GNAI1: variants seen among roughly 807,000 people sequenced by gnomAD.
GNAI1 encodes the protein guanine nucleotide-binding protein G(i) subunit alpha-1.
In GNAI1, 11 loss-of-function variants were observed where a neutral mutation model predicts 38.9. That is an observed-to-expected ratio of 0.28 (90% CI 0.18 to 0.47). The LOEUF (loss-of-function observed/expected upper bound fraction) is 0.47, where lower values mean the gene tolerates loss of function less well. Among genes scored for constraint, GNAI1 ranks in the 20% least tolerant of loss-of-function variants. The pLI is 0.99. For synonymous variants in GNAI1, 166 were observed against 145.1 expected, an observed-to-expected ratio of 1.14 and a Z score of -1.04; for missense variants, 317 against 436.9, an observed-to-expected ratio of 0.73 and a Z score of 2.45.
intron 1 of GNAI1, among the ~76,000 whole-genome samples, chr7:80,178,419 C>A (rs1182263633): frequency 1.3e-5 from 2 of 152,090 alleles, no homozygotes; most frequent in Non-Finnish European, 2.9e-5. Flanking sequence ...GCAGAAAAAT[C>A]TTTCTTGAAA....
At position 80,221,801 on chromosome 7, in the gene GNAI1, C is replaced by G. The variant is rs918908839; in HGVS notation, c.*4308C>G. 6.6e-6 allele frequency among the ~76,000 whole-genome samples: 1 copy of G among 151,836 alleles called. No homozygotes were observed. Among genetic ancestry groups the G allele is most frequent in the Non-Finnish European group, 1.5e-5 (1 of 67,960 alleles). ...GGGATTACAGGCATGCGCCACTACA[C>G]CCAGCTAATTTTTGTATTTTTAGTA... On this transcript the variant is annotated 3_prime_UTR_variant, in exon 8 of 8. Coordinates refer to ENST00000649796, the MANE Select transcript of GNAI1 (RefSeq NM_002069.6).
At position 80,222,018 on chromosome 7, in the gene GNAI1, A is replaced by G. The variant is rs1006700797; in HGVS notation, c.*4525A>G. Among the ~76,000 whole-genome samples, 16 of 152,138 alleles carry G rather than the reference A, an allele frequency of 1.1e-4. No homozygotes were observed. Among genetic ancestry groups the G allele is most frequent in the Non-Finnish European group, 1.5e-4 (10 of 68,024 alleles). ...TATATAAAGAAGTTTACGTTTCACA[A>G]TCCCACTGGCCTGTTTCCCAGGCAT... On this transcript the variant is annotated 3_prime_UTR_variant, in exon 8 of 8. Coordinates refer to ENST00000649796, the MANE Select transcript of GNAI1 (RefSeq NM_002069.6).
At chr7:80,140,291 T>A (rs904386713) in intron 1 of GNAI1, among the ~76,000 whole-genome samples, 3 of 152,186 alleles carry the variant, frequency 2.0e-5, no homozygotes, top group East Asian at 3.9e-4. Context: ...TTGGCCCCAA[T>A]TTCTAATGCA....
intron 1 of GNAI1, among the ~76,000 whole-genome samples, chr7:80,178,650 A>C (rs951324859): frequency 6.6e-6 from 1 of 152,196 alleles, no homozygotes; most frequent in Non-Finnish European, 1.5e-5. Context: ...TTTTTTAGAC[A>C]TCATGCTATT....
At chr7:80,207,728 A>G (rs1788799857) in intron 5 of GNAI1, among the ~76,000 whole-genome samples, 3 of 151,986 alleles carry the variant, frequency 2.0e-5, no homozygotes, top group Admixed American at 2.0e-4. Flanking sequence ...TCATGTTGTA[A>G]TTCTGTTTAA....
At chr7:80,158,821 C>A (rs1455213366) in intron 1 of GNAI1, among the ~76,000 whole-genome samples, 2 of 152,180 alleles carry the variant, frequency 1.3e-5, no homozygotes, top group Non-Finnish European at 2.9e-5. Context: ...TTTCAAATTC[C>A]TCCCAGTTCA....
At chr7:80,151,684 A>G (rs749020064) in intron 1 of GNAI1, among the ~76,000 whole-genome samples, 3 of 152,246 alleles carry the variant, frequency 2.0e-5, no homozygotes, top group Non-Finnish European at 2.9e-5. Flanking sequence ...GCATTTCTAC[A>G]TGAAAAAAAT....
intron 1 of GNAI1, among the ~76,000 whole-genome samples, chr7:80,186,489 T>C (rs1201125179): frequency 1.3e-5 from 2 of 152,054 alleles, no homozygotes; most frequent in East Asian, 1.9e-4. Context: ...AGCAGGAAAA[T>C]TTGTTTTTTT....
chr7:80,182,557 T>A (rs1284629275), intron 1 of GNAI1, among the ~76,000 whole-genome samples: 1 of 152,186 alleles, frequency 6.6e-6, no homozygotes, highest in East Asian at 1.9e-4. Context: ...TAAATATAAG[T>A]TCAGAGCTTC....
At chr7:80,185,865 A>T (rs1788377998) in intron 1 of GNAI1, among the ~76,000 whole-genome samples, 1 of 151,922 alleles carries the variant, frequency 6.6e-6, no homozygotes, top group South Asian at 2.1e-4. Flanking sequence ...CTCTTAGGAG[A>T]CTCTGTATGG....
rs1364169452 is a variant in GNAI1 at position 80,225,293 on chromosome 7, AG to A, written c.*7803del. 6.6e-6 allele frequency among the ~76,000 whole-genome samples: 1 copy of A among 152,230 alleles called. No individual in the cohort carries two copies. The highest frequency in any genetic ancestry group is 1.5e-5 in the Non-Finnish European group (1 of 68,038). On this transcript the variant is annotated 3_prime_UTR_variant, in exon 8 of 8. Transcript: ENST00000649796. Reference sequence around the variant, plus strand: ...CATTTTAAGATCTATACTCTAAAACAGGGTTTTGAAATTAGCAGCTCTCTTT... The same window carrying A: ...CATTTTAAGATCTATACTCTAAAACAGGTTTTGAAATTAGCAGCTCTCTTT...
chr7:80,215,169 C>G (rs1023106437), intron 7 of GNAI1, among the ~76,000 whole-genome samples: 1 of 152,182 alleles, frequency 6.6e-6, no homozygotes, highest in African/African-American at 2.4e-5. Context: ...AACAATCTAT[C>G]ATATTTGCTC....
intron 1 of GNAI1, among the ~76,000 whole-genome samples, chr7:80,177,854 T>C (rs1010603690): frequency 2.0e-5 from 3 of 152,222 alleles, no homozygotes; most frequent in Admixed American, 6.5e-5. Context: ...TCATGTGTTA[T>C]TATGTGAGAA....
intron 1 of GNAI1, among the ~76,000 whole-genome samples, chr7:80,140,140 C>T (rs555929530): frequency 1.3e-5 from 2 of 152,038 alleles, no homozygotes; most frequent in African/African-American, 2.4e-5. Context: ...CCTGCCACCA[C>T]GCCCGGCTAA....
intron 1 of GNAI1, among the ~76,000 whole-genome samples, chr7:80,176,841 G>T (rs937896483): frequency 6.7e-6 from 1 of 150,138 alleles, no homozygotes; most frequent in South Asian, 2.1e-4. Context: ...GGAGGCTGAG[G>T]CAGGAGAATC....
At chr7:80,178,639 A>G (rs753533061) in intron 1 of GNAI1, among the ~76,000 whole-genome samples, 2 of 152,174 alleles carry the variant, frequency 1.3e-5, no homozygotes, top group Non-Finnish European at 2.9e-5. Flanking sequence ...AGGTATGTAC[A>G]TTTTTTAGAC....
chr7:80,149,373 G>C (rs1787685982), intron 1 of GNAI1, among the ~76,000 whole-genome samples: 1 of 152,020 alleles, frequency 6.6e-6, no homozygotes, highest in South Asian at 2.1e-4. Flanking sequence ...AAATTATTGG[G>C]TTAAAAGTTT....
intron 1 of GNAI1, among the ~76,000 whole-genome samples, chr7:80,185,836 C>G (rs974719632): frequency 6.6e-6 from 1 of 152,082 alleles, no homozygotes; most frequent in Non-Finnish European, 1.5e-5. Context: ...ACCCTAACCA[C>G]GTGGCATTTG....
At chr7:80,148,794 A>C (rs1787673551) in intron 1 of GNAI1, among the ~76,000 whole-genome samples, 1 of 152,108 alleles carries the variant, frequency 6.6e-6, no homozygotes, top group East Asian at 1.9e-4. Context: ...TAATAACTAA[A>C]TATTATGTGG....
Sources: gnomAD v4.1 joint callset for allele counts (sites outside exome capture counted in the v4.1 genomes callset) on GRCh38, gnomAD v4.1.1 for gene constraint, MANE v1.5 for transcripts, NCBI Gene and HGNC (gene_info 2026-07-23, HGNC 2026-07-21) for gene names.